CAPG: variants seen among roughly 807,000 people sequenced by gnomAD.
CAPG encodes the protein capping actin protein, gelsolin like.
CAPG carries 32 observed loss-of-function variants against 44.6 expected under a neutral mutation model. That is an observed-to-expected ratio of 0.72 (90% CI 0.54 to 0.96). The LOEUF (loss-of-function observed/expected upper bound fraction) is 0.96, where lower values mean the gene tolerates loss of function less well. Ranked by LOEUF, CAPG falls within the 50% of genes least tolerant of loss-of-function variation. The pLI, the probability that CAPG is intolerant of heterozygous loss-of-function variation, is 0.00. For synonymous variants in CAPG, 175 were observed against 179.6 expected, an observed-to-expected ratio of 0.97 and a Z score of 0.20; for missense variants, 412 against 438.3, an observed-to-expected ratio of 0.94 and a Z score of 0.54.
At chr2:85,406,648 C>T (rs1302972705) in intron 1 of CAPG, among the ~76,000 whole-genome samples, 3 of 152,076 alleles carry the variant, frequency 2.0e-5, no homozygotes, top group African/African-American at 7.2e-5. Context: ...CACCTGAGGT[C>T]GGGAGTTCGA....
chr2:85,398,897 C>A, intron 6 of CAPG, 115 bp from the exon 7 acceptor site: 1 of 884,242 alleles, frequency 1.1e-6, no homozygotes. Flanking sequence ...CACTAGGGCA[C>A]CCAGCAGAGG....
chr2:85,403,847 A>G (rs971622777), intron 1 of CAPG, among the ~76,000 whole-genome samples: 12 of 145,102 alleles, frequency 8.3e-5, no homozygotes, highest in Non-Finnish European at 1.5e-4. Context: ...AGCCCATGCC[A>G]TTGTACTCCA....
At chr2:85,411,566 C>T (rs1383594995), upstream of CAPG, among the ~76,000 whole-genome samples, 1 of 152,206 alleles carries the variant, frequency 6.6e-6, no homozygotes, top group East Asian at 1.9e-4. Context: ...TATGCAGCCA[C>T]ACAAGCGTAG....
Position 85,399,224 on chromosome 2 carries a change from A to G in CAPG, c.578T>C (p.Leu193Pro), listed in dbSNP as rs1437133946. The stretch of plus-strand genomic sequence containing the variant: ...CTCACTGTCCCGGATGGCCAGGGCC[A>G]GGTCCCTCGCCTTGTTGCGTTCCAG... ...NILERNKARDLALAIRDSERQ... is the reference protein window; with the variant it reads ...NILERNKARDPALAIRDSERQ... Residue 193 changes from leucine to proline, a missense_variant, in exon 6 of 10, where the codon CTG (leucine) becomes CCG (proline). Transcript: ENST00000263867. The G allele has an allele frequency of 6.2e-7, 1 of 1,614,170 alleles. No homozygotes were observed. The highest frequency in any genetic ancestry group is 1.3e-5 in the African/African-American group (1 of 75,062).
rs745765681 is a variant in CAPG at position 85,395,678 on chromosome 2, C to T, written c.893-52G>A. The T allele has an allele frequency of 3.1e-5, 41 of 1,329,690 alleles. No homozygotes were observed. Among genetic ancestry groups the T allele is most frequent in the Non-Finnish European group, 4.4e-5 (41 of 939,600 alleles). The allele number at this position is 1,329,690 out of a possible 1,614,324, so 82.4% of individuals were successfully genotyped here. A position where few individuals can be genotyped will look rare whatever the true frequency, so the allele number is the denominator to read the frequency against. On this transcript the variant is annotated intron_variant, in intron 8 of 9. Transcript: ENST00000263867. This position sits in a 1 kb window ranked among gnomAD's most constrained non-coding sequence, Gnocchi z 4.3. Reference sequence around the variant, plus strand: ...AAAGAGCAGGGACCCTCTTTAGCTGCCATCCCATTTTTCTTGAGGAAATTT... The same window carrying T: ...AAAGAGCAGGGACCCTCTTTAGCTGTCATCCCATTTTTCTTGAGGAAATTT...
intron 8 of CAPG, 46 bp downstream of exon 8, chr2:85,397,974 C>A: frequency 6.3e-7 from 1 of 1,594,736 alleles, no homozygotes; most frequent in South Asian, 1.1e-5. Context: ...CTGCCCGGGT[C>A]AGAGCAGCTA....
intron 5 of CAPG, 21 bp from the exon 6 acceptor site, chr2:85,399,306 C>T (rs1006991828): frequency 6.2e-7 from 1 of 1,612,650 alleles, no homozygotes; most frequent in Non-Finnish European, 8.5e-7. Context: ...GCAGGAAAGT[C>T]CGGGTCAGAG....
chr2:85,411,744 C>T (rs377418988), upstream of CAPG, among the ~76,000 whole-genome samples: 3 of 152,070 alleles, frequency 2.0e-5, no homozygotes, highest in African/African-American at 4.8e-5. Context: ...TATTTGACTG[C>T]GTGGGAAAAG....
At chr2:85,408,139 T>C (rs566180906) in intron 1 of CAPG, among the ~76,000 whole-genome samples, 2 of 152,124 alleles carry the variant, frequency 1.3e-5, no homozygotes, top group South Asian at 4.1e-4. Flanking sequence ...GATTAGGAGT[T>C]CAAGACCAGC....
Position 85,398,064 on chromosome 2 carries a change from A to G in CAPG, c.848T>C (p.Phe283Ser). ...ALELLISDDC[F>S]VLDNGLCGKI... ...GCCACAGAGCCCGTTGTCCAGCACA[A>G]AGCAGTCATCAGATATCAGCAGTTC... Residue 283 changes from phenylalanine (F) to serine (S), a missense_variant, in exon 8 of 10, where the codon TTT becomes TCT. Transcript: ENST00000263867. 1 of 1,614,086 alleles carries G rather than the reference A, an allele frequency of 6.2e-7. No individual in the cohort carries two copies. The highest frequency in any genetic ancestry group is 2.2e-5 in the East Asian group (1 of 44,874).
intron 1 of CAPG, chr2:85,408,776 G>A (rs1384095668): frequency 6.6e-6 from 1 of 152,092 alleles, no homozygotes; most frequent in Non-Finnish European, 1.5e-5. Flanking sequence ...CAGAATCACA[G>A]ATGTCAGCAT....
chr2:85,413,672 T>C (rs1223608388), upstream of CAPG, among the ~76,000 whole-genome samples: 1 of 152,202 alleles, frequency 6.6e-6, no homozygotes, highest in Admixed American at 6.5e-5. Flanking sequence ...CACATGCTAA[T>C]GAGTTATCTG....
Position 85,394,974 on chromosome 2 carries a change from GGGA to G in CAPG, c.982-19_982-17del, listed in dbSNP as rs1353219535. ...GAATCTCCACCTGCAGGGACAGCGG[GGGA>G]GAAGTCTGGTTCACAAAGTTGCCAC... On this transcript the variant is annotated splice_polypyrimidine_tract_variant and intron_variant, in intron 9 of 9. Coordinates refer to ENST00000263867, the MANE Select transcript of CAPG (RefSeq NM_001747.4). 1 of 1,592,524 alleles carries G rather than the reference GGGA, an allele frequency of 6.3e-7. No individual in the cohort carries two copies. The highest frequency in any genetic ancestry group is 1.1e-5 in the South Asian group (1 of 90,682).
At chr2:85,394,111 C>T (rs1157904225), downstream of CAPG, among the ~76,000 whole-genome samples, 1 of 152,246 alleles carries the variant, frequency 6.6e-6, no homozygotes, top group Non-Finnish European at 1.5e-5. Flanking sequence ...CAGATGGGAC[C>T]TCTTCTTGGC....
At chr2:85,419,445 C>T (rs749938603), upstream of CAPG, among the ~76,000 whole-genome samples, 3 of 152,210 alleles carry the variant, frequency 2.0e-5, no homozygotes, top group Non-Finnish European at 4.4e-5. Flanking sequence ...CAGGGTCCGG[C>T]CTGCTCGGTA....
Position 85,398,105 on chromosome 2 carries a change from G to A in CAPG, c.807C>T (p.Ser269=). 1 of 1,614,088 alleles carries A rather than the reference G, an allele frequency of 6.2e-7. No individual in the cohort carries two copies. The highest frequency in any genetic ancestry group is 8.5e-7 in the Non-Finnish European group (1 of 1,179,986). The change falls in exon 8 of 10, where the codon TCC becomes TCT. Residue 269 remains serine (S), a synonymous_variant. Transcript: ENST00000263867. ...GQMNLTKVAD[S]SPFALELLIS... ...TCAGCAGTTCAAGGGCAAATGGGCT[G>A]GAGTCAGCCACCTTGGTCAGGTTCA...
chr2:85,416,808 C>G (rs1268355960), intron 1 of CAPG, among the ~76,000 whole-genome samples: 2 of 152,200 alleles, frequency 1.3e-5, no homozygotes, highest in African/African-American at 4.8e-5. Context: ...GCCACCTCAC[C>G]GGCCCCAAAT....
At chr2:85,397,607 G>A (rs941274083) in intron 8 of CAPG, among the ~76,000 whole-genome samples, 30 of 152,168 alleles carry the variant, frequency 2.0e-4, no homozygotes, top group Admixed American at 1.3e-4. Flanking sequence ...GGAGGCTAAG[G>A]CAGGAGAATT....
upstream of CAPG, chr2:85,414,001 C>G (rs374943916): frequency 2.0e-5 from 3 of 152,390 alleles, no homozygotes; most frequent in East Asian, 3.8e-4. Context: ...CGCCTTGCTC[C>G]GAGGCCCTGG....
Sources: allele counts gnomAD v4.1 joint callset (sites outside exome capture counted in the v4.1 genomes callset), GRCh38; gene constraint gnomAD v4.1.1; non-coding constraint Gnocchi (gnomAD v3.1); transcripts MANE v1.5; gene names NCBI Gene and HGNC (gene_info 2026-07-23, HGNC 2026-07-21).